The following PRKG1 variants were observed in gnomAD, a reference collection of about 807,000 sequenced individuals.
The protein encoded by PRKG1 is cGMP-dependent protein kinase 1.
In PRKG1, 35 loss-of-function variants were observed where a neutral mutation model predicts 88.1. The observed-to-expected ratio is 0.40, with a 90% CI of 0.30 to 0.53. The LOEUF is 0.53. Ranked by LOEUF, PRKG1 falls within the 20% of genes least tolerant of loss-of-function variation. The pLI is 0.59. For synonymous variants in PRKG1, 303 were observed against 292.5 expected, an observed-to-expected ratio of 1.04 and a Z score of -0.37; for missense variants, 540 against 839.8, an observed-to-expected ratio of 0.64 and a Z score of 4.41.
intron 9 of PRKG1, among the ~76,000 whole-genome samples, chr10:52,240,831 T>G (rs1195980143): frequency 2.6e-5 from 4 of 152,202 alleles, no homozygotes; most frequent in Non-Finnish European, 5.9e-5. Context: ...GTTTGGACCC[T>G]GGATACATTT....
intron 3 of PRKG1, among the ~76,000 whole-genome samples, chr10:51,622,170 C>G (rs768906126): frequency 6.6e-6 from 1 of 152,132 alleles, no homozygotes; most frequent in Non-Finnish European, 1.5e-5. Flanking sequence ...TATACCATGC[C>G]TCTCTTAGTC....
chr10:51,403,517 T>A (rs1837816876), intron 2 of PRKG1, among the ~76,000 whole-genome samples: 1 of 152,186 alleles, frequency 6.6e-6, no homozygotes, highest in Admixed American at 6.5e-5. Flanking sequence ...AATTTACTCC[T>A]CTACAACATC....
chr10:52,153,579 G>A (rs1434606909), intron 8 of PRKG1, among the ~76,000 whole-genome samples: 1 of 152,126 alleles, frequency 6.6e-6, no homozygotes, highest in Non-Finnish European at 1.5e-5. Context: ...GATGGATGAT[G>A]GAAATGCCAC....
chr10:51,495,335 T>C (rs1343770016), intron 3 of PRKG1, among the ~76,000 whole-genome samples: 1 of 152,214 alleles, frequency 6.6e-6, no homozygotes, highest in Middle Eastern at 3.2e-3. Flanking sequence ...CCTCAAGTGG[T>C]CTGCCCGCCT....
chr10:52,252,487 AG>A (rs1488119116), intron 10 of PRKG1: 2 of 152,090 alleles, frequency 1.3e-5, no homozygotes, highest in Non-Finnish European at 2.9e-5. Flanking sequence ...AACATAGAGG[AG>A]TTCCTGATAT....
At chr10:51,222,434 T>G (rs1290009594) in intron 2 of PRKG1, among the ~76,000 whole-genome samples, 1 of 152,216 alleles carries the variant, frequency 6.6e-6, no homozygotes, top group East Asian at 1.9e-4. Flanking sequence ...TGGCATTAAC[T>G]GTCTAGGGAT....
intron 2 of PRKG1, 49 bp downstream of exon 2, chr10:51,153,379 T>C: frequency 1.3e-6 from 2 of 1,521,492 alleles, no homozygotes; most frequent in Non-Finnish European, 1.8e-6. Context: ...TCTTTTTTCA[T>C]CTTATCAGCT....
chr10:52,168,060 C>T (rs1413503079), intron 9 of PRKG1, among the ~76,000 whole-genome samples: 5 of 152,186 alleles, frequency 3.3e-5, no homozygotes, highest in Non-Finnish European at 7.3e-5. Context: ...TATTCATTCA[C>T]CTCTTCATAT....
chr10:52,023,724 G>A (rs577080821), intron 5 of PRKG1, among the ~76,000 whole-genome samples: 1 of 152,326 alleles, frequency 6.6e-6, no homozygotes, highest in African/African-American at 2.4e-5. Flanking sequence ...CTTTTGAGAA[G>A]TGTCTGTTCA....
chr10:52,267,235 C>T (rs1394140107), intron 10 of PRKG1, among the ~76,000 whole-genome samples: 1 of 144,144 alleles, frequency 6.9e-6, no homozygotes, highest in Non-Finnish European at 1.6e-5. Flanking sequence ...ATTGCTATAA[C>T]TGACTCAGAG....
At chr10:51,581,512 G>T (rs147942287) in intron 3 of PRKG1, among the ~76,000 whole-genome samples, 11 of 152,162 alleles carry the variant, frequency 7.2e-5, no homozygotes, top group African/African-American at 2.6e-4. Context: ...CTCTCCACAA[G>T]GGTCGCATTC....
intron 1 of PRKG1, among the ~76,000 whole-genome samples, chr10:51,090,621 G>T (rs1224645879): frequency 6.6e-6 from 1 of 152,142 alleles, no homozygotes; most frequent in African/African-American, 2.4e-5. Context: ...AGGTAAAGCT[G>T]TTTATGCTCT....
chr10:51,627,148 C>A (rs1033189625), intron 3 of PRKG1, among the ~76,000 whole-genome samples: 1 of 151,924 alleles, frequency 6.6e-6, no homozygotes, highest in East Asian at 1.9e-4. Context: ...TTCAATTAAG[C>A]CTTGAAGAAA....
At chr10:51,408,679 C>T (rs1205248528) in intron 2 of PRKG1, among the ~76,000 whole-genome samples, 2 of 152,172 alleles carry the variant, frequency 1.3e-5, no homozygotes, top group Admixed American at 6.5e-5. Context: ...CCAGGTCAGC[C>T]TTAGTGAGTG....
At chr10:52,198,585 G>C (rs1357180723) in intron 9 of PRKG1, among the ~76,000 whole-genome samples, 1 of 152,018 alleles carries the variant, frequency 6.6e-6, no homozygotes, top group Admixed American at 6.6e-5. Context: ...CCACAAAATG[G>C]GTGGTTTAAA....
chr10:51,663,780 C>T (rs1358297543), intron 3 of PRKG1, among the ~76,000 whole-genome samples: 2 of 149,438 alleles, frequency 1.3e-5, no homozygotes, highest in African/African-American at 2.5e-5. Context: ...ATGGAATAAA[C>T]TGCAGAAACT....
At chr10:51,127,133 G>A (rs184542793) in intron 1 of PRKG1, among the ~76,000 whole-genome samples, 45 of 152,090 alleles carry the variant, frequency 3.0e-4, no homozygotes, top group African/African-American at 9.6e-4. Flanking sequence ...AAACTAAAGC[G>A]CTTCTACACG....
At chr10:52,162,713 A>G (rs1392358801) in intron 9 of PRKG1, among the ~76,000 whole-genome samples, 2 of 152,166 alleles carry the variant, frequency 1.3e-5, no homozygotes, top group African/African-American at 2.4e-5. Flanking sequence ...AAGTAAAATA[A>G]TGTATTTTGC....
chr10:51,105,633 G>A (rs1339290741), intron 1 of PRKG1, among the ~76,000 whole-genome samples: 1 of 152,142 alleles, frequency 6.6e-6, no homozygotes, highest in Non-Finnish European at 1.5e-5. Context: ...ATGAGGACTG[G>A]TAGTCAACAA....
Sources: allele counts gnomAD v4.1 joint callset (sites outside exome capture counted in the v4.1 genomes callset), GRCh38; gene constraint gnomAD v4.1.1; transcripts MANE v1.5; gene names NCBI Gene and HGNC (gene_info 2026-07-23, HGNC 2026-07-21).